Variants in TBC1D5 observed in about 807,000 individuals in gnomAD.
The protein encoded by TBC1D5 is TBC1 domain family, member 5.
Under a neutral mutation model 100.3 loss-of-function variants are expected in TBC1D5, and 75 were observed. The observed-to-expected ratio is 0.75, with a 90% CI of 0.62 to 0.91. The LOEUF (loss-of-function observed/expected upper bound fraction) is 0.91, where lower values mean the gene tolerates loss of function less well. Among genes scored for constraint, TBC1D5 ranks in the 40% least tolerant of loss-of-function variants. TBC1D5 has a pLI of 0.00. For synonymous variants in TBC1D5, 323 were observed against 325.6 expected (o/e 0.99, Z 0.09); for missense variants, 910 against 942.4 (o/e 0.97, Z 0.45).
chr3:17,635,216 G>A (rs1330017092), intron 1 of TBC1D5, among the ~76,000 whole-genome samples: 1 of 152,054 alleles, frequency 6.6e-6, no homozygotes, highest in Non-Finnish European at 1.5e-5. Flanking sequence ...CAGGAGGTCA[G>A]TTTTTAGTAT....
intron 3 of TBC1D5, among the ~76,000 whole-genome samples, chr3:17,431,627 G>A (rs183927699): frequency 6.6e-6 from 1 of 151,894 alleles, no homozygotes; most frequent in Non-Finnish European, 1.5e-5. Flanking sequence ...CTCATTAATT[G>A]GTATGCAACT....
Position 17,708,885 on chromosome 3 carries a change from ATT to A in TBC1D5, c.-101+30456_-101+30457del, listed in dbSNP as rs1170376855. On this transcript the variant is annotated intron_variant, in intron 1 of 21. Coordinates refer to ENST00000253692, the Ensembl canonical transcript of TBC1D5. ...GTTTTTCCAATAAAATACATCTTTCATTTTCCAAAGGGAGACCGTCACTGGAA... is the reference window on the plus strand; with the variant it reads ...GTTTTTCCAATAAAATACATCTTTCATTCCAAAGGGAGACCGTCACTGGAA... 3.9e-5 allele frequency among the ~76,000 whole-genome samples: 6 copies of A among 152,284 alleles called. No homozygotes were observed. In the East Asian group the frequency reaches 9.7e-4, roughly 24 times the overall value.
chr3:17,577,374 T>C (rs2096664038), intron 2 of TBC1D5, among the ~76,000 whole-genome samples: 1 of 151,988 alleles, frequency 6.6e-6, no homozygotes, highest in East Asian at 1.9e-4. Flanking sequence ...ACAGATATAA[T>C]TAAAAACTAA....
intron 16 of TBC1D5, among the ~76,000 whole-genome samples, chr3:17,241,225 G>A (rs563656262): frequency 6.4e-4 from 97 of 152,250 alleles, no homozygotes; most frequent in Non-Finnish European, 1.1e-3. Flanking sequence ...ACTGAAATAT[G>A]AGCAGCAGAA....
intron 3 of TBC1D5, among the ~76,000 whole-genome samples, chr3:17,439,998 G>C (rs1208098245): frequency 1.3e-5 from 2 of 152,082 alleles, no homozygotes; most frequent in Non-Finnish European, 2.9e-5. Context: ...AGTTCTTCCA[G>C]CATTTTTCAG....
chr3:17,697,248 T>C (rs2072271355), intron 1 of TBC1D5, among the ~76,000 whole-genome samples: 1 of 152,242 alleles, frequency 6.6e-6, no homozygotes, highest in Non-Finnish European at 1.5e-5. Context: ...TTGGAAGTTC[T>C]GGCCAGGGCA....
Position 17,493,220 on chromosome 3 carries a change from G to A in TBC1D5, c.97+15254C>T, listed in dbSNP as rs568481656. Among the ~76,000 whole-genome samples, 531 of 151,936 alleles carry A rather than the reference G, an allele frequency of 3.5e-3. 4 individuals carry two copies. Among genetic ancestry groups the A allele is most frequent in the African/African-American group, 0.012 (503 of 41,450 alleles). On this transcript the variant is annotated intron_variant, in intron 3 of 21. Transcript: ENST00000253692. ...TCAGTTTGGCCAGATGTGAAATTGT[G>A]GGTTGGAAATTATTTTTTTTTTTTT... is the stretch of plus-strand genomic sequence containing the variant.
chr3:17,178,157 C>T (rs1361089759), intron 19 of TBC1D5, among the ~76,000 whole-genome samples: 1 of 150,826 alleles, frequency 6.6e-6, no homozygotes, highest in African/African-American at 2.4e-5. Context: ...GCTCTGCCTC[C>T]TGGGTTCACG....
At chr3:17,529,328 A>G (rs932769293) in intron 2 of TBC1D5, among the ~76,000 whole-genome samples, 1 of 152,132 alleles carries the variant, frequency 6.6e-6, no homozygotes, top group Non-Finnish European at 1.5e-5. Context: ...TCAGCTTGCA[A>G]TATCTCTGTC....
At chr3:17,334,250 C>T (rs1272051848) in intron 13 of TBC1D5, among the ~76,000 whole-genome samples, 2 of 152,020 alleles carry the variant, frequency 1.3e-5, no homozygotes, top group African/African-American at 2.4e-5. Flanking sequence ...ATAAAGAATA[C>T]TGACTTTATG....
intron 3 of TBC1D5, among the ~76,000 whole-genome samples, chr3:17,456,733 G>T (rs1349698154): frequency 6.6e-6 from 1 of 151,944 alleles, no homozygotes; most frequent in Non-Finnish European, 1.5e-5. Flanking sequence ...ACAGTTTGGA[G>T]GTTCCTCAAA....
intron 2 of TBC1D5, among the ~76,000 whole-genome samples, chr3:17,615,892 T>C (rs576158207): frequency 6.6e-6 from 1 of 152,296 alleles, no homozygotes; most frequent in East Asian, 1.9e-4. Flanking sequence ...TCTCCTTCAG[T>C]TCTTCTCTGA....
intron 3 of TBC1D5, among the ~76,000 whole-genome samples, chr3:17,466,771 T>C (rs2095308004): frequency 1.3e-5 from 2 of 152,146 alleles, no homozygotes; most frequent in Non-Finnish European, 2.9e-5. Context: ...AATTACTTTT[T>C]TTTTTAGTAA....
chr3:17,499,908 C>T (rs1020439271), intron 3 of TBC1D5, among the ~76,000 whole-genome samples: 1 of 149,252 alleles, frequency 6.7e-6, no homozygotes, highest in Non-Finnish European at 1.5e-5. Flanking sequence ...CACCACACAA[C>T]CTCCCATGTC....
At chr3:17,565,161 T>C (rs1198887311) in intron 2 of TBC1D5, among the ~76,000 whole-genome samples, 1 of 152,240 alleles carries the variant, frequency 6.6e-6, no homozygotes, top group Admixed American at 6.5e-5. Flanking sequence ...TAAGACACTG[T>C]CTAAAAACAT....
intron 21 of TBC1D5, among the ~76,000 whole-genome samples, chr3:17,166,471 T>C (rs897211804): frequency 6.6e-6 from 1 of 152,220 alleles, no homozygotes; most frequent in African/African-American, 2.4e-5. Context: ...GAGATCCAGC[T>C]TTCCCATCGC....
intron 2 of TBC1D5, among the ~76,000 whole-genome samples, chr3:17,596,029 G>A (rs1337324970): frequency 6.6e-6 from 1 of 152,176 alleles, no homozygotes; most frequent in Non-Finnish European, 1.5e-5. Context: ...AGATCTCATT[G>A]TTCTAAGGCT....
intron 1 of TBC1D5, among the ~76,000 whole-genome samples, chr3:17,719,073 T>G (rs937981361): frequency 6.6e-6 from 1 of 152,186 alleles, no homozygotes; most frequent in South Asian, 2.1e-4. Flanking sequence ...AAGATTTGCT[T>G]CCACCAAAGT....
At chr3:17,583,508 C>T (rs2096713187) in intron 2 of TBC1D5, among the ~76,000 whole-genome samples, 1 of 151,822 alleles carries the variant, frequency 6.6e-6, no homozygotes, top group Admixed American at 6.6e-5. Context: ...GGCAGACTGC[C>T]TGAGCTCAGG....
Sources: gnomAD v4.1 joint callset for allele counts (sites outside exome capture counted in the v4.1 genomes callset) on GRCh38, gnomAD v4.1.1 for gene constraint, MANE v1.5 for transcripts, NCBI Gene and HGNC (gene_info 2026-07-23, HGNC 2026-07-21) for gene names.